ZBTB42: variants seen among roughly 807,000 people sequenced by gnomAD.
ZBTB42 encodes zinc finger and BTB domain-containing protein 42.
In ZBTB42, 3 loss-of-function variants were observed where a neutral mutation model predicts 4.7. The observed-to-expected ratio is 0.64, with a 90% CI of 0.29 to 1.66. The LOEUF (loss-of-function observed/expected upper bound fraction) is 1.66. Ranked by LOEUF, ZBTB42 falls within the 40% of genes most tolerant of loss-of-function variation. The pLI, the probability that ZBTB42 is intolerant of heterozygous loss-of-function variation, is 0.10. For missense variants in ZBTB42, 521 were observed against 577.1 expected, an observed-to-expected ratio of 0.90 and a Z score of 1.00; for synonymous variants, 255 against 259.5, an observed-to-expected ratio of 0.98 and a Z score of 0.17.
rs1894046423 is a variant in ZBTB42 at position 104,801,718 on chromosome 14, G to T, written c.521G>T (p.Gly174Val). Residue 174 changes from glycine (G) to valine (V), a missense_variant, in exon 1 of 1, where the codon GGG (glycine) becomes GTG (valine). Transcript: ENST00000342537. This position sits in a 1 kb window ranked among gnomAD's most constrained non-coding sequence, Gnocchi z 4.4. ...VKAALPPRAS[G>V]PPPCQVPEES... ...GCTGCCCTCCCTCCTCGAGCATCTG[G>T]GCCTCCTCCCTGCCAGGTCCCAGAA... 1 of 1,549,928 alleles carries T rather than the reference G, an allele frequency of 6.5e-7. No homozygotes were observed. The highest frequency in any genetic ancestry group is 8.7e-7 in the Non-Finnish European group (1 of 1,146,874).
rs1478400261 is a variant in ZBTB42, at chr14:104,803,433, C to G, written c.*967C>G. The G allele has an allele frequency of 6.0e-6, 1 of 167,390 alleles. No homozygotes were observed. Among genetic ancestry groups the G allele is most frequent in the Non-Finnish European group, 1.5e-5 (1 of 68,608 alleles). The allele number at this position is 167,390 out of a possible 1,614,324, so 10.4% of individuals were successfully genotyped here. A position where few individuals can be genotyped will look rare whatever the true frequency, so the allele number is the denominator to read the frequency against. ...CTTACCTTGACGGTCACTCTGCCTG[C>G]TAGGGGGTTTCCCTGGAGCTGTGGG... On this transcript the variant is annotated 3_prime_UTR_variant, in exon 1 of 1. Coordinates refer to ENST00000342537, the MANE Select transcript of ZBTB42 (RefSeq NM_001137601.3).
rs1894106072 is a variant in ZBTB42 at position 104,803,667 on chromosome 14, T to C, written c.*1201T>C. 3 of 166,866 alleles carry C rather than the reference T, an allele frequency of 1.8e-5. No homozygotes were observed. Among genetic ancestry groups the C allele is most frequent in the African/African-American group, 4.8e-5 (2 of 41,448 alleles). 10.3% of individuals were successfully genotyped at this position (166,866 alleles called of 1,614,324 possible). ...ACGCTCCTCGAACATGAATAGAATG[T>C]GGAGACCACAACCCCCACACATGTC... On this transcript the variant is annotated 3_prime_UTR_variant, in exon 1 of 1. Transcript: ENST00000342537.
At chr14:104,800,948 G>A (rs995522356), upstream of ZBTB42, 1 of 389,554 alleles carries the variant, frequency 2.6e-6, no homozygotes, top group Non-Finnish European at 4.5e-6. The surrounding 1 kb of genome is among the most constrained non-coding windows in gnomAD (Gnocchi z 5.3). Context: ...GACGCGCGCA[G>A]GTTTGCGCGG....
Position 104,801,591 on chromosome 14 carries a change from C to T in ZBTB42, c.394C>T (p.Pro132Ser). ...AAGTCTGGACCCGGGGAACCCTGCC[C>T]CTGGGGCAGAACCTGCTCAGCCACC... ...DRSLDPGNPAPGAEPAQPPCP... is the reference protein window; with the variant it reads ...DRSLDPGNPASGAEPAQPPCP... Residue 132 changes from proline to serine, a missense_variant, in exon 1 of 1, where the codon CCT becomes TCT. Pro to Ser is a moderately conservative substitution (Grantham distance 74, BLOSUM62 -1). Transcript: ENST00000342537. The surrounding 1 kb of genome is among the most constrained non-coding windows in gnomAD (Gnocchi z 4.4). 2 of 1,549,716 alleles carry T rather than the reference C, an allele frequency of 1.3e-6. No individual in the cohort carries two copies. Among genetic ancestry groups the T allele is most frequent in the Middle Eastern group, 1.7e-4 (1 of 5,988 alleles).
rs1374830563 is a variant in ZBTB42, at chr14:104,804,583, G to A, written c.*2117G>A. 6.0e-6 allele frequency: 1 copy of A among 166,886 alleles called. No individual in the cohort carries two copies. Among genetic ancestry groups the A allele is most frequent in the Non-Finnish European group, 1.5e-5 (1 of 68,142 alleles). 10.3% of individuals were successfully genotyped at this position (166,886 alleles called of 1,614,324 possible). ...CACCTGTGGGTGCTCTGACCCTGGG[G>A]GTGGGGACAGCTCCGTGCTAACCCC... On this transcript the variant is annotated 3_prime_UTR_variant, in exon 1 of 1. Transcript: ENST00000342537.
Position 104,801,647 on chromosome 14 carries a change from C to A in ZBTB42, c.450C>A (p.Leu150=). The A allele has an allele frequency of 6.5e-7, 1 of 1,550,310 alleles. No homozygotes were observed. Among genetic ancestry groups the A allele is most frequent in the Non-Finnish European group, 8.7e-7 (1 of 1,146,948 alleles). Residue 150 remains leucine (L), a synonymous_variant, in exon 1 of 1, where the codon CTC becomes CTA. Transcript: ENST00000342537. The surrounding 1 kb of genome is among the most constrained non-coding windows in gnomAD (Gnocchi z 4.4). ...PCPWPVWTAD[L]CPAARKAKLP... ...CCTGGCCTGTCTGGACCGCGGACCTCTGCCCAGCTGCCCGAAAGGCCAAGC... is the reference window on the plus strand; with the variant it reads ...CCTGGCCTGTCTGGACCGCGGACCTATGCCCAGCTGCCCGAAAGGCCAAGC...
chr14:104,801,369 G>A lies in ZBTB42; in HGVS notation c.172G>A (p.Ala58Thr). 1.3e-6 allele frequency: 2 copies of A among 1,546,960 alleles called. No individual in the cohort carries two copies. Among genetic ancestry groups the A allele is most frequent in the Non-Finnish European group, 8.7e-7 (1 of 1,145,180 alleles). Residue 58 changes from alanine (A) to threonine (T), a missense_variant, in exon 1 of 1, where the codon GCG becomes ACG. Transcript: ENST00000342537. This position sits in a 1 kb window ranked among gnomAD's most constrained non-coding sequence, Gnocchi z 4.4. The part of the protein sequence containing the change: ...YFHLFYRDRP[A>T]GSRDTVRLNG... ...CCATCTCTTCTACAGGGACCGGCCC[G>A]CGGGCAGTCGCGACACGGTGCGGCT... is the stretch of plus-strand genomic sequence containing the variant.
chr14:104,804,186 C>A lies in ZBTB42; in HGVS notation c.*1720C>A, dbSNP rs565755585. 8 of 161,554 alleles carry A rather than the reference C, an allele frequency of 5.0e-5. No individual in the cohort carries two copies. The highest frequency in any genetic ancestry group is 1.0e-4 in the Non-Finnish European group (7 of 66,920). The allele number at this position is 161,554 out of a possible 1,614,324, so 10.0% of individuals were successfully genotyped here. On this transcript the variant is annotated 3_prime_UTR_variant, in exon 1 of 1. Transcript: ENST00000342537. Reference sequence around the variant, plus strand: ...GTGTGTGTGTGTGTATGTATGCATGCGTCTGGCACATGGCAAGGCCCAAGC... The same window carrying A: ...GTGTGTGTGTGTGTATGTATGCATGAGTCTGGCACATGGCAAGGCCCAAGC...
chr14:104,802,073 C>T lies in ZBTB42; in HGVS notation c.876C>T (p.Pro292=), dbSNP rs369088396. Residue 292 remains proline (P), a synonymous_variant, in exon 1 of 1, where the codon CCC becomes CCT. Coordinates refer to ENST00000342537, the MANE Select transcript of ZBTB42 (RefSeq NM_001137601.3). The surrounding 1 kb of genome is among the most constrained non-coding windows in gnomAD (Gnocchi z 5.9). ...AGGACGAGCTGGGGCCTGGTGGGCC[C>T]CTCTGCATCTGCCCGTTGTGCAGCA... ...ASEDELGPGG[P]LCICPLCSKL... 3.4e-5 allele frequency: 52 copies of T among 1,507,998 alleles called. No individual in the cohort carries two copies. The East Asian group carries it at 3.7e-4, about 11-fold the overall frequency. The allele number at this position is 1,507,998 out of a possible 1,614,324, so 93.4% of individuals were successfully genotyped here.
upstream of ZBTB42, chr14:104,800,678 G>A (rs1301757844): frequency 6.8e-6 from 1 of 146,334 alleles, no homozygotes; most frequent in Admixed American, 6.8e-5. This position sits in a 1 kb window ranked among gnomAD's most constrained non-coding sequence, Gnocchi z 5.3. Context: ...GCGGCGACCG[G>A]AGAGGAGCTC....
In ZBTB42 at chr14:104,804,294, C is replaced by T. The variant is rs775855008; in HGVS notation, c.*1828C>T. The T allele has an allele frequency of 6.0e-6, 1 of 166,818 alleles. No homozygotes were observed. The highest frequency in any genetic ancestry group is 1.5e-5 in the Non-Finnish European group (1 of 68,108). The allele number at this position is 166,818 out of a possible 1,614,324, so 10.3% of individuals were successfully genotyped here. A position where few individuals can be genotyped will look rare whatever the true frequency, so the allele number is the denominator to read the frequency against. ...CGCGGCACTGGGTCCCCCAGTGGGT[C>T]CCATGGGGGAAGAACTTCCCTTTGC... On this transcript the variant is annotated 3_prime_UTR_variant, in exon 1 of 1. Transcript: ENST00000342537.
rs778382891 is a variant in ZBTB42, at chr14:104,801,499, C to T, written c.302C>T (p.Ala101Val). The change falls in exon 1 of 1, where the codon GCC (alanine) becomes GTC (valine). Residue 101 changes from alanine to valine, a missense_variant. Coordinates refer to ENST00000342537, the MANE Select transcript of ZBTB42 (RefSeq NM_001137601.3). The surrounding 1 kb of genome is among the most constrained non-coding windows in gnomAD (Gnocchi z 4.4). ...RSLPVEDVLA[A>V]ASYLHMYDIV... ...CTGCCTGTGGAGGACGTCCTGGCAG[C>T]CGCCAGCTACCTGCACATGTATGAC... 18 of 1,550,092 alleles carry T rather than the reference C, an allele frequency of 1.2e-5. No individual in the cohort carries two copies. The highest frequency in any genetic ancestry group is 1.4e-5 in the Non-Finnish European group (16 of 1,146,924).
In ZBTB42 at chr14:104,802,705, C is replaced by T; in HGVS notation, c.*239C>T. On this transcript the variant is annotated 3_prime_UTR_variant, in exon 1 of 1. Transcript: ENST00000342537. This position sits in a 1 kb window ranked among gnomAD's most constrained non-coding sequence, Gnocchi z 5.9. ...CCCTCACTCTCCAACTCATTCCGGC[C>T]CCCAGGCTGTGCCCTGCCTAGGCTG... The T allele has an allele frequency of 1.6e-6, 1 of 623,388 alleles. No homozygotes were observed. The highest frequency in any genetic ancestry group is 2.9e-5 in the East Asian group (1 of 34,780). The allele number at this position is 623,388 out of a possible 1,614,324, so 38.6% of individuals were successfully genotyped here.
In ZBTB42 at chr14:104,803,258, G is replaced by C. The variant is rs1264529481; in HGVS notation, c.*792G>C. ...TGGAACTGGATTCTCTTTAGAGCCAGGAAGAGCCTCCTGAGGCGGCCAGAT... is the reference window on the plus strand; with the variant it reads ...TGGAACTGGATTCTCTTTAGAGCCACGAAGAGCCTCCTGAGGCGGCCAGAT... On this transcript the variant is annotated 3_prime_UTR_variant, in exon 1 of 1. Transcript: ENST00000342537. 2 of 167,006 alleles carry C rather than the reference G, an allele frequency of 1.2e-5. No individual in the cohort carries two copies. Among genetic ancestry groups the C allele is most frequent in the Non-Finnish European group, 2.9e-5 (2 of 68,190 alleles). The allele number at this position is 167,006 out of a possible 1,614,324, so 10.3% of individuals were successfully genotyped here.
At position 104,802,812 on chromosome 14, in the gene ZBTB42, C is replaced by G; in HGVS notation, c.*346C>G. 1 of 350,762 alleles carries G rather than the reference C, an allele frequency of 2.9e-6. No homozygotes were observed. The highest frequency in any genetic ancestry group is 5.5e-6 in the Non-Finnish European group (1 of 181,998). The allele number at this position is 350,762 out of a possible 1,614,324, so 21.7% of individuals were successfully genotyped here. ...GCACCTGGCTCTGCCCCCGTTTCTC[C>G]GTGTGAGATGGCACATCCATCTCCC... On this transcript the variant is annotated 3_prime_UTR_variant, in exon 1 of 1. Transcript: ENST00000342537. The surrounding 1 kb of genome is among the most constrained non-coding windows in gnomAD (Gnocchi z 5.9).
chr14:104,804,706 G>T lies in ZBTB42; in HGVS notation c.*2240G>T, dbSNP rs1894131806. The T allele has an allele frequency of 6.1e-6, 1 of 164,774 alleles. No individual in the cohort carries two copies. The allele number at this position is 164,774 out of a possible 1,614,324, so 10.2% of individuals were successfully genotyped here. ...GCGACAGTAATAAAGCCCACCTCCA[G>T]TGGAAACGGCAGTGACTATTCCTGA... is the stretch of plus-strand genomic sequence containing the variant. On this transcript the variant is annotated 3_prime_UTR_variant, in exon 1 of 1. Transcript: ENST00000342537.
At chr14:104,800,626 T>A (rs1894016607), upstream of ZBTB42, 1 of 145,060 alleles carries the variant, frequency 6.9e-6, no homozygotes, top group South Asian at 2.1e-4. This position sits in a 1 kb window ranked among gnomAD's most constrained non-coding sequence, Gnocchi z 5.3. Flanking sequence ...TGCCCGCAGC[T>A]CCACGCGCGC....
chr14:104,800,943 G>A (rs1485725790), upstream of ZBTB42: 6 of 371,296 alleles, frequency 1.6e-5, no homozygotes, highest in Non-Finnish European at 2.4e-5. This position sits in a 1 kb window ranked among gnomAD's most constrained non-coding sequence, Gnocchi z 5.3. Context: ...GCGGGGACGC[G>A]CGCAGGTTTG....
At position 104,801,881 on chromosome 14, in the gene ZBTB42, C is replaced by A; in HGVS notation, c.684C>A (p.Asp228Glu). ...GAQPLVKDER[D>E]SLSEQEESSS... ...AGCCACTGGTGAAGGACGAACGGGA[C>A]TCACTGTCCGAACAGGAGGAGAGCA... Residue 228 changes from aspartate to glutamate, a missense_variant, in exon 1 of 1, where the codon GAC becomes GAA. Asp to Glu is a conservative substitution (Grantham distance 45). Transcript: ENST00000342537. The surrounding 1 kb of genome is among the most constrained non-coding windows in gnomAD (Gnocchi z 4.4). 6.5e-7 allele frequency: 1 copy of A among 1,549,496 alleles called. No homozygotes were observed. Among genetic ancestry groups the A allele is most frequent in the Non-Finnish European group, 8.7e-7 (1 of 1,146,888 alleles).
Sources: gnomAD v4.1 joint callset for allele counts on GRCh38, gnomAD v4.1.1 for gene constraint, Gnocchi (gnomAD v3.1) non-coding constraint, MANE v1.5 for transcripts, NCBI Gene and HGNC (gene_info 2026-07-23, HGNC 2026-07-21) for gene names.